The following BMX variants were observed in gnomAD, a reference collection of about 807,000 sequenced individuals.
BMX encodes the protein BMX non-receptor tyrosine kinase.
BMX carries 31 observed loss-of-function variants against 59.2 expected under a neutral mutation model. The observed-to-expected ratio is 0.52, with a 90% CI of 0.39 to 0.71. The LOEUF is 0.71. BMX is among the 30% of genes least tolerant of loss of function. The pLI is 0.00. For missense variants in BMX, 474 were observed against 491.7 expected (o/e 0.96, Z 0.34); for synonymous variants, 185 against 181.0 (o/e 1.02, Z -0.18).
chrX:15,544,852 A>G (rs1317838872), intron 16 of BMX, among the ~76,000 whole-genome samples: 1 of 111,392 alleles, frequency 9.0e-6, no homozygotes, highest in Admixed American at 9.6e-5. Context: ...AGTGTAGTTT[A>G]TTAATATTAT....
chrX:15,523,789 T>C (rs747445364), intron 7 of BMX, among the ~76,000 whole-genome samples: 8 of 111,685 alleles, frequency 7.2e-5, no homozygotes, highest in Non-Finnish European at 1.1e-4. Flanking sequence ...GGAGGAACTG[T>C]CGATTCACAT....
chrX:15,555,556 G>C (rs975747293), intron 18 of BMX, among the ~76,000 whole-genome samples: 1 of 111,270 alleles, frequency 9.0e-6, no homozygotes, highest in African/African-American at 3.3e-5. Flanking sequence ...TTTTTCAGCA[G>C]TGTTTTAAAG....
At chrX:15,549,535 C>T (rs1346514808) in intron 17 of BMX, among the ~76,000 whole-genome samples, 2 of 111,694 alleles carry the variant, frequency 1.8e-5, no homozygotes, top group Admixed American at 9.5e-5. Context: ...ACAGGACTAG[C>T]GCAAGAATTG....
At chrX:15,520,113 G>A (rs775665457) in intron 6 of BMX, among the ~76,000 whole-genome samples, 1 of 112,289 alleles carries the variant, frequency 8.9e-6, no homozygotes, top group African/African-American at 3.2e-5. Flanking sequence ...TGTTGATTTT[G>A]ACTTCTAGCC....
At chrX:15,534,438 C>A (rs992405795) in intron 12 of BMX, 99 bp downstream of exon 12, 12 of 774,504 alleles carry the variant, frequency 1.5e-5, no homozygotes, top group African/African-American at 2.6e-5. Flanking sequence ...ATATAGGGAA[C>A]CATGAAAGTA....
At chrX:15,541,501 GA>G (rs199726017) in intron 14 of BMX, among the ~76,000 whole-genome samples, 2,284 of 110,312 alleles carry the variant, frequency 0.021, 67 homozygotes, top group African/African-American at 0.071. Context: ...TTTTAAAAAA[GA>G]AAAAAAATCA....
At chrX:15,513,445 T>C (rs1924035191) in intron 4 of BMX, among the ~76,000 whole-genome samples, 1 of 111,783 alleles carries the variant, frequency 8.9e-6, no homozygotes. Flanking sequence ...GTGCATGGGA[T>C]TTGCTGTCAA....
rs1002659999 is a variant in BMX at position 15,501,693 on chromosome X, C to T, written c.-10+753C>T. On this transcript the variant is annotated intron_variant, in intron 1 of 18. Transcript: ENST00000348343. ...AGAGTCTGCATGTCTAATGATCGCC[C>T]GGATGATGCAAGTGCACGGACCACA... 5.4e-5 allele frequency among the ~76,000 whole-genome samples: 6 copies of T among 111,641 alleles called. No individual in the cohort carries two copies. The Admixed American group carries it at 5.7e-4, about 11-fold the overall frequency.
intron 1 of BMX, among the ~76,000 whole-genome samples, chrX:15,501,254 C>T (rs751389688): frequency 1.4e-4 from 16 of 112,065 alleles, no homozygotes; most frequent in Non-Finnish European, 2.4e-4. Context: ...GTATTCTCTG[C>T]TAATTTTCTC....
At chrX:15,537,108 A>G (rs1925399558) in intron 13 of BMX, 26 bp from the exon 14 acceptor site, 1 of 1,206,453 alleles carries the variant, frequency 8.3e-7, no homozygotes, top group Non-Finnish European at 1.1e-6. Context: ...TGCTCGTCCT[A>G]AAGAATGTCC....
chrX:15,524,626 T>C (rs771103879), intron 7 of BMX, among the ~76,000 whole-genome samples: 1 of 112,140 alleles, frequency 8.9e-6, no homozygotes, highest in African/African-American at 3.2e-5. Flanking sequence ...TATCTAGGCA[T>C]TCCTTGAAAT....
At chrX:15,517,808 G>A in intron 5 of BMX, 121 bp from the exon 6 acceptor site, 1 of 585,707 alleles carries the variant, frequency 1.7e-6, no homozygotes, top group Non-Finnish European at 2.7e-6. Flanking sequence ...GTTGTGTCTG[G>A]ATTCACTTAA....
chrX:15,527,799 C>A lies in BMX; in HGVS notation c.884+1704C>A, dbSNP rs143289986. Among the ~76,000 whole-genome samples, 12 of 111,982 alleles carry A rather than the reference C, an allele frequency of 1.1e-4. No individual in the cohort carries two copies. The East Asian group carries it at 3.4e-3, about 31-fold the overall frequency. ...ACCCTCCACATCTTTGTGGCATGGT[C>A]TCTTTATCACCTTCTAGCTCTCTTT... On this transcript the variant is annotated intron_variant, in intron 9 of 18. Transcript: ENST00000348343.
At chrX:15,517,877 C>T in intron 5 of BMX, 52 bp from the exon 6 acceptor site, 1 of 1,042,849 alleles carries the variant, frequency 9.6e-7, no homozygotes, top group Non-Finnish European at 1.3e-6. Context: ...TTGAGTGTTT[C>T]TCTTTGTTTT....
chrX:15,541,631 C>T (rs1925688644), intron 14 of BMX, among the ~76,000 whole-genome samples: 1 of 111,206 alleles, frequency 9.0e-6, no homozygotes, highest in Non-Finnish European at 1.9e-5. Context: ...GTGTGGCTTC[C>T]TCTAAATAAG....
intron 10 of BMX, among the ~76,000 whole-genome samples, chrX:15,530,787 A>G (rs1925032566): frequency 8.9e-6 from 1 of 112,391 alleles, no homozygotes; most frequent in South Asian, 3.7e-4. Context: ...TCTAAAAATG[A>G]CACTTTGATA....
chrX:15,536,230 A>T, intron 12 of BMX, 123 bp from the exon 13 acceptor site: 1 of 647,415 alleles, frequency 1.5e-6, no homozygotes, highest in Non-Finnish European at 2.4e-6. Context: ...TCTCTGCATT[A>T]CAACATTCTG....
chrX:15,520,877 C>A, intron 6 of BMX, among the ~76,000 whole-genome samples: 1 of 110,649 alleles, frequency 9.0e-6, no homozygotes, highest in Middle Eastern at 4.7e-3. Flanking sequence ...TGGACATAAC[C>A]CACTTCACAG....
chrX:15,531,299 A>G (rs1343896396), intron 10 of BMX, 29 bp from the exon 11 acceptor site: 3 of 1,110,540 alleles, frequency 2.7e-6, no homozygotes, highest in African/African-American at 1.8e-5. Flanking sequence ...AATATTTTCT[A>G]TTCCTTCTAT....
Sources: allele counts gnomAD v4.1 joint callset (sites outside exome capture counted in the v4.1 genomes callset), GRCh38; gene constraint gnomAD v4.1.1; transcripts MANE v1.5; gene names NCBI Gene and HGNC (gene_info 2026-07-23, HGNC 2026-07-21).